HCN1: variants seen among roughly 807,000 people sequenced by gnomAD.
The protein encoded by HCN1 is hyperpolarization activated cyclic nucleotide gated potassium channel 1, also known as potassium/sodium hyperpolarization-activated cyclic nucleotide-gated channel 1.
In HCN1, 13 loss-of-function variants were observed where a neutral mutation model predicts 78.9. That is an observed-to-expected ratio of 0.16 (90% CI 0.11 to 0.26). The LOEUF (loss-of-function observed/expected upper bound fraction) is 0.26, where lower values mean the gene tolerates loss of function less well. HCN1 is among the 10% of genes least tolerant of loss of function. HCN1 has a pLI of 1.00. For synonymous variants in HCN1, 552 were observed against 455.5 expected, an observed-to-expected ratio of 1.21 and a Z score of -2.70; for missense variants, 810 against 1,154.3, an observed-to-expected ratio of 0.70 and a Z score of 4.32.
chr5:45,552,663 G>T (rs2625494), intron 2 of HCN1, among the ~76,000 whole-genome samples: 77,805 of 151,620 alleles, frequency 0.51, 21,460 homozygotes, highest in African/African-American at 0.72. Flanking sequence ...AAGCATAATT[G>T]GAAAAGTCTA....
intron 2 of HCN1, among the ~76,000 whole-genome samples, chr5:45,592,273 C>T (rs532204023): frequency 6.6e-5 from 10 of 151,930 alleles, no homozygotes; most frequent in Admixed American, 1.3e-4. Flanking sequence ...TTAAAGTATG[C>T]GGAGTTCATA....
At chr5:45,315,654 G>A (rs1745971430) in intron 5 of HCN1, among the ~76,000 whole-genome samples, 1 of 152,020 alleles carries the variant, frequency 6.6e-6, no homozygotes, top group Admixed American at 6.6e-5. Context: ...CAAGAAAATT[G>A]ATAGAGCACT....
At chr5:45,539,051 A>G (rs1318952353) in intron 2 of HCN1, among the ~76,000 whole-genome samples, 2 of 152,246 alleles carry the variant, frequency 1.3e-5, no homozygotes, top group Non-Finnish European at 2.9e-5. Flanking sequence ...TTAAGATTTA[A>G]AGCGTAGGTT....
At chr5:45,461,764 T>C in intron 3 of HCN1, 82 bp downstream of exon 3, 1 of 1,205,840 alleles carries the variant, frequency 8.3e-7, no homozygotes, top group Non-Finnish European at 1.2e-6. Context: ...AGAGAAGAAA[T>C]CAGATCATTG....
intron 3 of HCN1, among the ~76,000 whole-genome samples, chr5:45,437,417 CA>C (rs1416871948): frequency 6.6e-6 from 1 of 152,072 alleles, no homozygotes; most frequent in African/African-American, 2.4e-5. Context: ...TAATGAAAGG[CA>C]AATTTCATTC....
intron 3 of HCN1, among the ~76,000 whole-genome samples, chr5:45,446,552 C>T (rs1364314727): frequency 6.6e-6 from 1 of 152,088 alleles, no homozygotes; most frequent in Non-Finnish European, 1.5e-5. Flanking sequence ...CAAAGATACT[C>T]CTCGAGAAGA....
intron 6 of HCN1, among the ~76,000 whole-genome samples, chr5:45,278,581 C>T (rs1303479471): frequency 1.3e-5 from 2 of 151,966 alleles, no homozygotes; most frequent in African/African-American, 2.4e-5. Flanking sequence ...CATAAAAATG[C>T]CACTGAGGTT....
chr5:45,411,870 T>C (rs184079373), intron 3 of HCN1, among the ~76,000 whole-genome samples: 1 of 152,092 alleles, frequency 6.6e-6, no homozygotes, highest in Admixed American at 6.6e-5. Context: ...GCACAATTAC[T>C]GGCAATTTTT....
At chr5:45,303,360 A>C (rs1745665354) in intron 6 of HCN1, among the ~76,000 whole-genome samples, 1 of 152,130 alleles carries the variant, frequency 6.6e-6, no homozygotes, top group Non-Finnish European at 1.5e-5. Flanking sequence ...TTAAGCCCCT[A>C]TTATTTGGTT....
chr5:45,481,692 G>T (rs1741653961), intron 2 of HCN1, among the ~76,000 whole-genome samples: 1 of 152,098 alleles, frequency 6.6e-6, no homozygotes, highest in Non-Finnish European at 1.5e-5. Context: ...TATGTGTCTG[G>T]GACAGACTGG....
At chr5:45,589,968 T>C (rs1249236930) in intron 2 of HCN1, among the ~76,000 whole-genome samples, 1 of 152,130 alleles carries the variant, frequency 6.6e-6, no homozygotes, top group African/African-American at 2.4e-5. Context: ...ATTTAGAAAA[T>C]GTCAATCAGT....
chr5:45,277,212 A>T (rs764516366), intron 6 of HCN1, among the ~76,000 whole-genome samples: 32 of 152,132 alleles, frequency 2.1e-4, no homozygotes, highest in Non-Finnish European at 3.7e-4. Context: ...TCCAACAGGT[A>T]AATTTGTTCT....
intron 3 of HCN1, among the ~76,000 whole-genome samples, chr5:45,425,541 G>A (rs1445903515): frequency 1.3e-5 from 2 of 152,254 alleles, no homozygotes; most frequent in African/African-American, 2.4e-5. Flanking sequence ...GGTAGTGATC[G>A]AAAGAGAGGG....
rs1304954257 is a variant in HCN1 at position 45,454,480 on chromosome 5, T to TA, written c.1011+7365dup. 2.4e-3 allele frequency among the ~76,000 whole-genome samples: 350 copies of TA among 145,972 alleles called. 2 individuals carry two copies. Among genetic ancestry groups the TA allele is most frequent in the East Asian group, 7.6e-3 (38 of 5,032 alleles). Reference sequence around the variant, plus strand: ...AAATTAGTTACCCTTTGTTAGGTCTTAAAAAAAAATAAAAAAAAATAAAAA... The same window carrying TA: ...AAATTAGTTACCCTTTGTTAGGTCTTAAAAAAAAAATAAAAAAAAATAAAAA... On this transcript the variant is annotated intron_variant, in intron 3 of 7. Transcript: ENST00000303230.
chr5:45,649,895 T>C (rs1745644410), intron 1 of HCN1, among the ~76,000 whole-genome samples: 1 of 152,062 alleles, frequency 6.6e-6, no homozygotes, highest in Non-Finnish European at 1.5e-5. Context: ...GTCTTGCATA[T>C]AGATCTGGAT....
chr5:45,299,620 T>C (rs1419792094), intron 6 of HCN1, among the ~76,000 whole-genome samples: 2 of 151,858 alleles, frequency 1.3e-5, no homozygotes, highest in Admixed American at 6.6e-5. Context: ...TTGAATTAGA[T>C]GAACTGAATG....
chr5:45,273,028 C>G (rs1053501151), intron 6 of HCN1, among the ~76,000 whole-genome samples: 6 of 152,020 alleles, frequency 3.9e-5, no homozygotes, highest in African/African-American at 1.4e-4. Context: ...GGTGTAATAA[C>G]TGTTTTAAGA....
At chr5:45,594,107 G>T (rs1005754675) in intron 2 of HCN1, among the ~76,000 whole-genome samples, 1 of 152,136 alleles carries the variant, frequency 6.6e-6, no homozygotes, top group African/African-American at 2.4e-5. Context: ...TTTACTAAAT[G>T]GTTTCCCTTA....
chr5:45,446,207 C>T (rs1579900266), intron 3 of HCN1, among the ~76,000 whole-genome samples: 2 of 151,786 alleles, frequency 1.3e-5, no homozygotes, highest in African/African-American at 2.4e-5. Context: ...GCTGATGGAG[C>T]TGAAAGCCAA....
Sources: gnomAD v4.1 joint callset for allele counts (sites outside exome capture counted in the v4.1 genomes callset) on GRCh38, gnomAD v4.1.1 for gene constraint, MANE v1.5 for transcripts, NCBI Gene and HGNC (gene_info 2026-07-23, HGNC 2026-07-21) for gene names.